The following PPFIBP1 variants were observed in gnomAD, a reference collection of about 807,000 sequenced individuals.
PPFIBP1 encodes the protein PPFIB scaffold protein 1, also known as liprin-beta-1.
Under a neutral mutation model 137.8 loss-of-function variants are expected in PPFIBP1, and 112 were observed. That is an observed-to-expected ratio of 0.81 (90% CI 0.70 to 0.95). The LOEUF is 0.95. PPFIBP1 is among the 40% of genes least tolerant of loss of function. PPFIBP1 has a pLI of 0.00. For synonymous variants in PPFIBP1, 378 were observed against 417.3 expected, an observed-to-expected ratio of 0.91 and a Z score of 1.15; for missense variants, 1,083 against 1,196.6, an observed-to-expected ratio of 0.91 and a Z score of 1.40.
intron 2 of PPFIBP1, among the ~76,000 whole-genome samples, chr12:27,627,128 T>C (rs1418054231): frequency 1.3e-5 from 2 of 152,228 alleles, no homozygotes; most frequent in Non-Finnish European, 2.9e-5. Context: ...ATTCTTTTAG[T>C]TATTTATAAA....
intron 2 of PPFIBP1, among the ~76,000 whole-genome samples, chr12:27,591,806 C>T (rs2052548505): frequency 6.6e-6 from 1 of 152,210 alleles, no homozygotes; most frequent in South Asian, 2.1e-4. Flanking sequence ...CAAGGCAACA[C>T]ATGCTAGAAC....
At chr12:27,612,712 T>G (rs1457006507) in intron 2 of PPFIBP1, among the ~76,000 whole-genome samples, 1 of 152,110 alleles carries the variant, frequency 6.6e-6, no homozygotes. Flanking sequence ...CTAATGTGAC[T>G]GCTATGTACC....
intron 3 of PPFIBP1, among the ~76,000 whole-genome samples, chr12:27,633,831 G>C (rs895505545): frequency 3.1e-5 from 4 of 128,608 alleles, no homozygotes; most frequent in African/African-American, 1.1e-4. Context: ...AATGACTCCC[G>C]TATCTTTTTT....
intron 1 of PPFIBP1, among the ~76,000 whole-genome samples, chr12:27,557,113 G>A (rs2048759692): frequency 6.6e-6 from 1 of 152,124 alleles, no homozygotes; most frequent in African/African-American, 2.4e-5. Flanking sequence ...AGAAGGGGGT[G>A]TCAGCTTTAG....
chr12:27,573,008 T>C (rs528708286), intron 1 of PPFIBP1, among the ~76,000 whole-genome samples: 2 of 152,284 alleles, frequency 1.3e-5, no homozygotes, highest in African/African-American at 4.8e-5. Context: ...TACTAGATAG[T>C]CAGAAAACAA....
intron 2 of PPFIBP1, among the ~76,000 whole-genome samples, chr12:27,619,413 A>G (rs2056115187): frequency 1.3e-5 from 2 of 152,114 alleles, no homozygotes; most frequent in African/African-American, 2.4e-5. Flanking sequence ...TTCTATTCAT[A>G]GTTCTTTGAA....
chr12:27,590,468 G>A (rs1352339400), intron 2 of PPFIBP1, among the ~76,000 whole-genome samples: 1 of 152,178 alleles, frequency 6.6e-6, no homozygotes, highest in Non-Finnish European at 1.5e-5. Flanking sequence ...GAGCCACTGC[G>A]CGCAGCCCAC....
chr12:27,669,032 TG>T (rs2060026035), intron 13 of PPFIBP1, among the ~76,000 whole-genome samples: 1 of 152,218 alleles, frequency 6.6e-6, no homozygotes, highest in Non-Finnish European at 1.5e-5. Context: ...ATAGTTTCAT[TG>T]TTTAAACAAT....
intron 1 of PPFIBP1, among the ~76,000 whole-genome samples, chr12:27,542,008 A>G (rs1017376314): frequency 6.6e-6 from 1 of 152,020 alleles, no homozygotes; most frequent in Non-Finnish European, 1.5e-5. Context: ...TGGCACTGTG[A>G]CTTTGTTACT....
intron 1 of PPFIBP1, among the ~76,000 whole-genome samples, chr12:27,541,524 C>T: frequency 6.6e-6 from 1 of 152,094 alleles, no homozygotes; most frequent in Admixed American, 6.5e-5. Context: ...AGGCCACATC[C>T]CATCCAGTTC....
chr12:27,624,728 G>T (rs1170665225), intron 2 of PPFIBP1, among the ~76,000 whole-genome samples: 2 of 152,182 alleles, frequency 1.3e-5, no homozygotes, highest in Non-Finnish European at 2.9e-5. Context: ...GTGAGTGGCT[G>T]TTCCATTTCC....
At chr12:27,541,930 G>T (rs1220437400) in intron 1 of PPFIBP1, among the ~76,000 whole-genome samples, 1 of 152,018 alleles carries the variant, frequency 6.6e-6, no homozygotes, top group East Asian at 1.9e-4. Flanking sequence ...TAGGCAGAGG[G>T]TGGCACCAAC....
intron 24 of PPFIBP1, among the ~76,000 whole-genome samples, chr12:27,687,166 G>C (rs1032581310): frequency 6.6e-6 from 1 of 152,228 alleles, no homozygotes; most frequent in Non-Finnish European, 1.5e-5. Context: ...ATCTGGAAGA[G>C]AGAGAAACAG....
chr12:27,672,355 T>C, intron 14 of PPFIBP1, 72 bp from the exon 15 acceptor site: 1 of 1,227,232 alleles, frequency 8.1e-7, no homozygotes, highest in Non-Finnish European at 1.2e-6. Flanking sequence ...TTTTGACTTA[T>C]CTGTTCACTT....
intron 1 of PPFIBP1, among the ~76,000 whole-genome samples, chr12:27,545,218 C>G (rs1201534065): frequency 6.7e-6 from 1 of 149,130 alleles, no homozygotes; most frequent in African/African-American, 2.5e-5. Context: ...GAACATCACA[C>G]ATTGGGGCCT....
intron 4 of PPFIBP1, among the ~76,000 whole-genome samples, chr12:27,640,276 G>A (rs574897490): frequency 6.6e-6 from 1 of 152,282 alleles, no homozygotes; most frequent in African/African-American, 2.4e-5. Context: ...GGGAAAGTGA[G>A]TTAAGAAAGA....
intron 2 of PPFIBP1, among the ~76,000 whole-genome samples, chr12:27,622,386 T>C (rs1238174766): frequency 6.6e-6 from 1 of 152,252 alleles, no homozygotes; most frequent in Non-Finnish European, 1.5e-5. Flanking sequence ...CCAGCAGAAT[T>C]ATCACATAAT....
chr12:27,673,988 G>A (rs1401211353), intron 16 of PPFIBP1, among the ~76,000 whole-genome samples, 161 bp downstream of exon 16: 1 of 152,130 alleles, frequency 6.6e-6, no homozygotes, highest in Non-Finnish European at 1.5e-5. Context: ...ATATTAAGAA[G>A]TATGAATATG....
Position 27,687,372 on chromosome 12 carries a change from T to C in PPFIBP1, c.2248-13T>C, listed in dbSNP as rs780981703. Reference sequence around the variant, plus strand: ...CCAGCACAGTGAGCTCCTCCTTTTGTTCTTTTTTGCAGGATGACTTACTGT... The same window carrying C: ...CCAGCACAGTGAGCTCCTCCTTTTGCTCTTTTTTGCAGGATGACTTACTGT... On this transcript the variant is annotated splice_polypyrimidine_tract_variant and intron_variant, in intron 24 of 29. Transcript: ENST00000228425. The C allele has an allele frequency of 8.7e-6, 14 of 1,612,708 alleles. No homozygotes were observed. In the East Asian group the frequency reaches 2.9e-4, roughly 33 times the overall value.
Sources: allele counts gnomAD v4.1 joint callset (sites outside exome capture counted in the v4.1 genomes callset), GRCh38; gene constraint gnomAD v4.1.1; transcripts MANE v1.5; gene names NCBI Gene and HGNC (gene_info 2026-07-23, HGNC 2026-07-21).